The following CPED1 variants were observed in gnomAD, a reference collection of about 807,000 sequenced individuals.
CPED1 encodes cadherin like and PC-esterase domain containing 1, also known as cadherin-like and PC-esterase domain-containing protein 1.
Under a neutral mutation model 128.2 loss-of-function variants are expected in CPED1, and 114 were observed. The observed-to-expected ratio is 0.89, with a 90% CI of 0.76 to 1.04. CPED1 has a LOEUF of 1.04. CPED1 is among the 50% of genes least tolerant of loss of function. The pLI is 0.00. For synonymous variants in CPED1, 462 were observed against 426.7 expected (o/e 1.08, Z -1.02); for missense variants, 1,211 against 1,207.1 (o/e 1.00, Z -0.05).
rs542423597 is a variant in CPED1, at chr7:121,295,868, A to G, written c.*216A>G. 1 of 457,180 alleles carries G rather than the reference A, an allele frequency of 2.2e-6. No homozygotes were observed. Among genetic ancestry groups the G allele is most frequent in the Non-Finnish European group, 3.9e-6 (1 of 255,860 alleles). 28.3% of individuals were successfully genotyped at this position (457,180 alleles called of 1,614,324 possible). A position where few individuals can be genotyped will look rare whatever the true frequency, so the allele number is the denominator to read the frequency against. On this transcript the variant is annotated 3_prime_UTR_variant, in exon 23 of 23. Transcript: ENST00000310396. ...AAGATGTGACCTTGAACACCAGTCC[A>G]TTTCACAGTGAAAGATATACCTAGA...
intron 16 of CPED1, among the ~76,000 whole-genome samples, chr7:121,220,091 G>A (rs1298052586): frequency 6.6e-6 from 1 of 151,952 alleles, no homozygotes; most frequent in South Asian, 2.1e-4. Context: ...CTTAGTAAAA[G>A]TTTTTATAAG....
intron 4 of CPED1, among the ~76,000 whole-genome samples, chr7:121,060,674 G>T (rs552760208): frequency 6.6e-6 from 1 of 152,268 alleles, no homozygotes; most frequent in Non-Finnish European, 1.5e-5. Context: ...ACCAATCAGT[G>T]CCCTGTCAAA....
At chr7:121,085,723 C>T (rs1412113065) in intron 5 of CPED1, among the ~76,000 whole-genome samples, 1 of 152,214 alleles carries the variant, frequency 6.6e-6, no homozygotes, top group Admixed American at 6.5e-5. Flanking sequence ...TAGTTTCACA[C>T]TAAAACTGCA....
intron 19 of CPED1, 36 bp downstream of exon 19, chr7:121,266,483 C>T (rs1021950720): frequency 6.6e-7 from 1 of 1,516,312 alleles, no homozygotes; most frequent in Non-Finnish European, 9.2e-7. Flanking sequence ...ACAAAACCCA[C>T]AAAGTACTGA....
At chr7:121,011,043 T>C (rs950816666) in intron 2 of CPED1, among the ~76,000 whole-genome samples, 1 of 152,342 alleles carries the variant, frequency 6.6e-6, no homozygotes, top group East Asian at 1.9e-4. Flanking sequence ...TGATAGACTC[T>C]ATAATATTTC....
chr7:120,989,570 G>T lies in CPED1; in HGVS notation c.-52G>T. The stretch of plus-strand genomic sequence containing the variant: ...TTTTTCATGCTGACAAAAAATAGCT[G>T]CTATGACTTTTCCCGCAACGTGGAC... On this transcript the variant is annotated 5_prime_UTR_variant, in exon 2 of 23. Transcript: ENST00000310396. 6.3e-7 allele frequency: 1 copy of T among 1,598,600 alleles called. No homozygotes were observed. Among genetic ancestry groups the T allele is most frequent in the East Asian group, 2.2e-5 (1 of 44,682 alleles).
chr7:121,273,310 G>A (rs1394909951), intron 22 of CPED1, among the ~76,000 whole-genome samples: 1 of 151,896 alleles, frequency 6.6e-6, no homozygotes, highest in Non-Finnish European at 1.5e-5. Context: ...ATCACTTGAG[G>A]TCAGAAGTTT....
intron 5 of CPED1, among the ~76,000 whole-genome samples, chr7:121,091,427 C>A (rs963244214): frequency 6.6e-6 from 1 of 152,082 alleles, no homozygotes; most frequent in African/African-American, 2.4e-5. Flanking sequence ...TTTAAGAATG[C>A]CATAAGAGGA....
intron 16 of CPED1, among the ~76,000 whole-genome samples, chr7:121,219,930 A>G (rs1232841838): frequency 6.6e-6 from 1 of 152,006 alleles, no homozygotes; most frequent in Admixed American, 6.6e-5. Flanking sequence ...GTAGCTGTAT[A>G]TTTTTCTTAA....
intron 3 of CPED1, among the ~76,000 whole-genome samples, chr7:121,027,874 T>C (rs940844056): frequency 6.6e-6 from 1 of 152,070 alleles, no homozygotes; most frequent in African/African-American, 2.4e-5. Context: ...GGGGAACTCT[T>C]GGAATTTAAA....
intron 16 of CPED1, among the ~76,000 whole-genome samples, chr7:121,225,462 T>A (rs1314497970): frequency 6.6e-6 from 1 of 152,092 alleles, no homozygotes; most frequent in Non-Finnish European, 1.5e-5. Context: ...TGTCTTGGGG[T>A]TTCTCTTCTT....
At chr7:120,990,746 A>T (rs1303499654) in intron 2 of CPED1, among the ~76,000 whole-genome samples, 1 of 152,242 alleles carries the variant, frequency 6.6e-6, no homozygotes, top group African/African-American at 2.4e-5. Context: ...TGTAAGTAGC[A>T]TCTTATATCT....
intron 16 of CPED1, among the ~76,000 whole-genome samples, chr7:121,204,019 TGAG>T (rs1188057235): frequency 2.6e-5 from 4 of 151,794 alleles, no homozygotes; most frequent in African/African-American, 7.3e-5. Context: ...TTCAGGGAGG[TGAG>T]GAGGAGCTCA....
chr7:121,028,467 A>C (rs1792652512), intron 3 of CPED1, among the ~76,000 whole-genome samples: 1 of 152,192 alleles, frequency 6.6e-6, no homozygotes, highest in East Asian at 1.9e-4. Flanking sequence ...GAACCCATTA[A>C]TTATGAGTTG....
chr7:121,158,414 T>G (rs910008334), intron 16 of CPED1, among the ~76,000 whole-genome samples: 1 of 152,182 alleles, frequency 6.6e-6, no homozygotes, highest in Non-Finnish European at 1.5e-5. Flanking sequence ...CACATGCCGC[T>G]GATGAACAGC....
intron 16 of CPED1, among the ~76,000 whole-genome samples, chr7:121,170,809 G>T (rs1050974192): frequency 6.6e-6 from 1 of 152,152 alleles, no homozygotes; most frequent in Non-Finnish European, 1.5e-5. Context: ...CCAGCAGTTT[G>T]GGAGGCTGAG....
At chr7:121,158,852 A>T (rs1051580587) in intron 16 of CPED1, among the ~76,000 whole-genome samples, 4 of 152,298 alleles carry the variant, frequency 2.6e-5, no homozygotes, top group Non-Finnish European at 4.4e-5. Flanking sequence ...AACTAGCCAG[A>T]CAACAGCCAA....
At chr7:121,055,279 A>T (rs71569053) in intron 4 of CPED1, among the ~76,000 whole-genome samples, 1,786 of 152,282 alleles carry the variant, frequency 0.012, 26 homozygotes, top group Middle Eastern at 0.02. Flanking sequence ...AAAAATTTTT[A>T]AAATGTTTTA....
chr7:121,184,392 G>T (rs1294215992), intron 16 of CPED1, among the ~76,000 whole-genome samples: 1 of 152,108 alleles, frequency 6.6e-6, no homozygotes, highest in African/African-American at 2.4e-5. Flanking sequence ...AGATAAATGA[G>T]AAATAAAACA....
Sources: allele counts gnomAD v4.1 joint callset (sites outside exome capture counted in the v4.1 genomes callset), GRCh38; gene constraint gnomAD v4.1.1; transcripts MANE v1.5; gene names NCBI Gene and HGNC (gene_info 2026-07-23, HGNC 2026-07-21).